The following WWOX variants were observed in gnomAD, a reference collection of about 807,000 sequenced individuals.
The protein encoded by WWOX is WW domain containing oxidoreductase.
WWOX carries 69 observed loss-of-function variants against 46.2 expected under a neutral mutation model. The observed-to-expected ratio is 1.49, with a 90% CI of 1.23 to 1.82. WWOX has a LOEUF of 1.82. Ranked by LOEUF, WWOX falls within the 40% of genes most tolerant of loss-of-function variation. WWOX has a pLI of 0.00. For synonymous variants in WWOX, 359 were observed against 202.6 expected, an observed-to-expected ratio of 1.77 and a Z score of -6.56; for missense variants, 919 against 542.6, an observed-to-expected ratio of 1.69 and a Z score of -6.89.
At chr16:78,124,076 G>A (rs2033250434) in intron 4 of WWOX, 1 of 152,042 alleles carries the variant, frequency 6.6e-6, no homozygotes, top group South Asian at 2.1e-4. Context: ...ATTTGGCCCA[G>A]AAAGGAATAC....
At chr16:78,184,173 A>T (rs528453714) in intron 5 of WWOX, among the ~76,000 whole-genome samples, 1 of 152,108 alleles carries the variant, frequency 6.6e-6, no homozygotes, top group Admixed American at 6.5e-5. Flanking sequence ...GCTTCTCTGT[A>T]GGAGGATTTT....
At chr16:78,866,260 C>T (rs914628604) in intron 8 of WWOX, among the ~76,000 whole-genome samples, 10 of 152,082 alleles carry the variant, frequency 6.6e-5, no homozygotes, top group Admixed American at 5.9e-4. Context: ...ATGAATGCCT[C>T]GCTGTGCCAC....
chr16:78,972,459 C>G lies in WWOX; in HGVS notation c.1057-239149C>G, dbSNP rs557272180. Among the ~76,000 whole-genome samples, 19 of 115,132 alleles carry G rather than the reference C, an allele frequency of 1.7e-4. No homozygotes were observed. The East Asian group carries it at 4.1e-3, about 25-fold the overall frequency. The allele number at this position is 115,132 out of a possible 152,430, so 75.5% of individuals were successfully genotyped here. A position where few individuals can be genotyped will look rare whatever the true frequency, so the allele number is the denominator to read the frequency against. ...GAAATAGTCACTGGAAGGAAGTCAG[C>G]AAGCAGGGGTGAAAAAAAAAAAAAA... On this transcript the variant is annotated intron_variant, in intron 8 of 8. Coordinates refer to ENST00000566780, the MANE Select transcript of WWOX (RefSeq NM_016373.4).
chr16:78,634,811 G>GGAGAGAGAGAGAGAGA (rs541433739), intron 8 of WWOX, among the ~76,000 whole-genome samples: 4 of 127,954 alleles, frequency 3.1e-5, no homozygotes, highest in African/African-American at 6.0e-5. Context: ...GCACCCGACT[G>GGAGAGAGAGAGAGAGA]GAGAGAGAGA....
In WWOX at chr16:78,758,918, TA is replaced by T. The variant is rs563936592; in HGVS notation, c.1056+326174del. Reference sequence around the variant, plus strand: ...CAAGCCAGCATTTTATATTTTGCATTAAAAAAAACCACAAAAGACAAAAAAA... The same window carrying T: ...CAAGCCAGCATTTTATATTTTGCATTAAAAAAACCACAAAAGACAAAAAAA... On this transcript the variant is annotated intron_variant, in intron 8 of 8. Coordinates refer to ENST00000566780, the MANE Select transcript of WWOX (RefSeq NM_016373.4). Among the ~76,000 whole-genome samples the T allele has an allele frequency of 1.0e-3, 120 of 120,286 alleles. 2 individuals carry two copies. The South Asian group carries it at 0.021, about 21-fold the overall frequency. 78.9% of individuals were successfully genotyped at this position (120,286 alleles called of 152,430 possible).
intron 8 of WWOX, among the ~76,000 whole-genome samples, chr16:79,132,223 C>T (rs1296310146): frequency 2.0e-5 from 3 of 151,906 alleles, no homozygotes; most frequent in Non-Finnish European, 2.9e-5. Flanking sequence ...TAAATCATTG[C>T]TGCTGGAACT....
chr16:78,716,787 C>T (rs1055801838), intron 8 of WWOX, among the ~76,000 whole-genome samples: 2 of 152,116 alleles, frequency 1.3e-5, no homozygotes, highest in Non-Finnish European at 2.9e-5. Flanking sequence ...CCTGGAGAAA[C>T]GTGGCCCAGC....
chr16:78,312,882 C>G (rs2080276430), intron 5 of WWOX, among the ~76,000 whole-genome samples: 2 of 152,232 alleles, frequency 1.3e-5, no homozygotes, highest in African/African-American at 4.8e-5. Context: ...CAGGGCCTCA[C>G]TTCCCACTGC....
chr16:78,993,363 T>A (rs1269876357), intron 8 of WWOX, among the ~76,000 whole-genome samples: 1 of 152,170 alleles, frequency 6.6e-6, no homozygotes, highest in East Asian at 1.9e-4. Context: ...CAATAAAACC[T>A]TTAAGTGCTT....
At chr16:78,210,303 G>A in intron 5 of WWOX, among the ~76,000 whole-genome samples, 1 of 152,166 alleles carries the variant, frequency 6.6e-6, no homozygotes, top group Non-Finnish European at 1.5e-5. Context: ...TAACAGGGAA[G>A]CATCGGCTTC....
chr16:78,513,946 C>T (rs372460208), intron 8 of WWOX, among the ~76,000 whole-genome samples: 5 of 147,604 alleles, frequency 3.4e-5, no homozygotes, highest in African/African-American at 1.3e-4. Flanking sequence ...TGGGAACATC[C>T]ATTGGGAAAC....
At chr16:79,032,679 T>C (rs201034783) in intron 8 of WWOX, among the ~76,000 whole-genome samples, 220 of 144,994 alleles carry the variant, frequency 1.5e-3, no homozygotes, top group African/African-American at 5.1e-3. Flanking sequence ...TATATATATA[T>C]ATACACACAC....
chr16:78,998,293 G>A (rs149483684), intron 8 of WWOX, among the ~76,000 whole-genome samples: 52 of 152,286 alleles, frequency 3.4e-4, no homozygotes, highest in African/African-American at 1.2e-3. Context: ...CTGATCTAAG[G>A]TGTTGGCTGC....
At chr16:78,690,876 G>C (rs1476465389) in intron 8 of WWOX, among the ~76,000 whole-genome samples, 1 of 152,142 alleles carries the variant, frequency 6.6e-6, no homozygotes, top group Non-Finnish European at 1.5e-5. Context: ...TCTTAGCACC[G>C]TATCAATACC....
chr16:78,546,880 A>G (rs1176783932), intron 8 of WWOX, among the ~76,000 whole-genome samples: 1 of 152,138 alleles, frequency 6.6e-6, no homozygotes, highest in Non-Finnish European at 1.5e-5. Flanking sequence ...TAATCTTAGC[A>G]CTTTGGGAGG....
At chr16:79,084,766 A>G (rs1482731359) in intron 8 of WWOX, among the ~76,000 whole-genome samples, 2 of 152,052 alleles carry the variant, frequency 1.3e-5, no homozygotes, top group Non-Finnish European at 2.9e-5. Context: ...ACTCCTTGTT[A>G]GGGTTTGCTG....
intron 8 of WWOX, among the ~76,000 whole-genome samples, chr16:78,775,562 C>G (rs753644544): frequency 6.6e-6 from 1 of 152,132 alleles, no homozygotes; most frequent in Non-Finnish European, 1.5e-5. Context: ...CTCATCCCGT[C>G]TACAACCTTG....
chr16:78,483,166 A>T (rs538524365), intron 8 of WWOX, among the ~76,000 whole-genome samples: 64 of 152,250 alleles, frequency 4.2e-4, no homozygotes, highest in Non-Finnish European at 6.8e-4. Flanking sequence ...TCTATTTTTT[A>T]AAAATGCACC....
At chr16:78,210,335 AT>A (rs1278924309) in intron 5 of WWOX, among the ~76,000 whole-genome samples, 2 of 152,170 alleles carry the variant, frequency 1.3e-5, no homozygotes, top group African/African-American at 4.8e-5. Flanking sequence ...ACCACTGAGG[AT>A]TTTTAATGCC....
Sources: allele counts gnomAD v4.1 joint callset (sites outside exome capture counted in the v4.1 genomes callset), GRCh38; gene constraint gnomAD v4.1.1; transcripts MANE v1.5; gene names NCBI Gene and HGNC (gene_info 2026-07-23, HGNC 2026-07-21).